The following WRN variants were observed in gnomAD, a reference collection of about 807,000 sequenced individuals.
WRN encodes bifunctional 3'-5' exonuclease/ATP-dependent helicase WRN.
Under a neutral mutation model 180.7 loss-of-function variants are expected in WRN, and 149 were observed. That is an observed-to-expected ratio of 0.82 (90% CI 0.72 to 0.94). The LOEUF (loss-of-function observed/expected upper bound fraction) is 0.94. WRN is among the 40% of genes least tolerant of loss of function. The probability of loss-of-function intolerance (pLI) is 0.00; values close to 1 mark genes in which losing one functional copy is unlikely to be tolerated. For synonymous variants in WRN, 548 were observed against 568.9 expected, an observed-to-expected ratio of 0.96 and a Z score of 0.52; for missense variants, 1,661 against 1,700.1, an observed-to-expected ratio of 0.98 and a Z score of 0.40.
chr8:31,150,566 G>A (rs1585527804), intron 31 of WRN, 111 bp downstream of exon 31: 1 of 856,100 alleles, frequency 1.2e-6, no homozygotes, highest in East Asian at 2.6e-5. Context: ...TTTCCATACT[G>A]GACACTTAGA....
At chr8:31,070,503 G>A (rs1439847159) in intron 7 of WRN, among the ~76,000 whole-genome samples, 1 of 152,004 alleles carries the variant, frequency 6.6e-6, no homozygotes, top group African/African-American at 2.4e-5. Flanking sequence ...ATATTGTTGA[G>A]CATTTTACGA....
In WRN at chr8:31,076,248, A is replaced by ATCTTCC. The variant is rs1431238343; in HGVS notation, c.803_808dup (p.Leu268_Pro269dup). On this transcript the variant is annotated inframe_insertion, in exon 8 of 35. Coordinates refer to ENST00000298139, the MANE Select transcript of WRN (RefSeq NM_000553.6). ...GAGGAAGTGATGGATCTGGCTAAGCATCTTCCTCATGCTTTCAGTAAATTG... is the reference window on the plus strand; with the variant it reads ...GAGGAAGTGATGGATCTGGCTAAGCATCTTCCTCTTCCTCATGCTTTCAGTAAATTG... 6 of 1,613,764 alleles carry ATCTTCC rather than the reference A, an allele frequency of 3.7e-6. No individual in the cohort carries two copies. Among genetic ancestry groups the ATCTTCC allele is most frequent in the Non-Finnish European group, 5.1e-6 (6 of 1,179,942 alleles).
At chr8:31,162,575 AT>A (rs1373594560) in intron 33 of WRN, among the ~76,000 whole-genome samples, 1 of 152,108 alleles carries the variant, frequency 6.6e-6, no homozygotes, top group Non-Finnish European at 1.5e-5. Flanking sequence ...ATTTATTATC[AT>A]TTTCAAGTAT....
At chr8:31,114,053 A>G (rs1801422447) in intron 19 of WRN, among the ~76,000 whole-genome samples, 1 of 152,100 alleles carries the variant, frequency 6.6e-6, no homozygotes, top group Admixed American at 6.5e-5. Flanking sequence ...CTCCAAGAAG[A>G]CTTAGGATAG....
chr8:31,097,145 TC>T (rs1365129726), intron 17 of WRN, among the ~76,000 whole-genome samples: 3 of 152,330 alleles, frequency 2.0e-5, no homozygotes, highest in African/African-American at 7.2e-5. Flanking sequence ...AATTTATGTT[TC>T]CCCAGTGCAG....
Position 31,130,020 on chromosome 8 carries a change from C to CAA in WRN, c.2826-2342_2826-2341dup, listed in dbSNP as rs1190386295. ...CTCTTGTCTCAAAAAAAAAACAAAACAAAACAAAAAAAAAAACTAGTAAGA... is the reference window on the plus strand; with the variant it reads ...CTCTTGTCTCAAAAAAAAAACAAAACAAAAAACAAAAAAAAAAACTAGTAAGA... On this transcript the variant is annotated intron_variant, in intron 23 of 34. Transcript: ENST00000298139. 5.1e-4 allele frequency among the ~76,000 whole-genome samples: 67 copies of CAA among 131,810 alleles called. 1 individual carries two copies. Among genetic ancestry groups the CAA allele is most frequent in the East Asian group, 1.7e-3 (8 of 4,640 alleles). 86.5% of individuals were successfully genotyped at this position (131,810 alleles called of 152,430 possible).
chr8:31,118,744 CA>C (rs1801611434), intron 20 of WRN, among the ~76,000 whole-genome samples: 1 of 151,944 alleles, frequency 6.6e-6, no homozygotes, highest in Admixed American at 6.6e-5. Flanking sequence ...TAACCAGATC[CA>C]AACACATTTG....
intron 23 of WRN, chr8:31,131,853 A>T (rs1411597759): frequency 6.3e-6 from 1 of 158,550 alleles, no homozygotes; most frequent in Non-Finnish European, 1.4e-5. Flanking sequence ...GCTGCTTCAC[A>T]AAAGAGGTAC....
In WRN at chr8:31,173,316, GAATATTAAAT is replaced by G; in HGVS notation, c.*215_*224del. On this transcript the variant is annotated 3_prime_UTR_variant, in exon 35 of 35. Transcript: ENST00000298139. Reference sequence around the variant, plus strand: ...GCCTACGTGAGTACATCACCTAACAGAATATTAAATTAGACTTCCTGTAAGATTGCTTTAA... The same window carrying G: ...GCCTACGTGAGTACATCACCTAACAGTAGACTTCCTGTAAGATTGCTTTAA... 1.8e-6 allele frequency: 1 copy of G among 544,590 alleles called. No homozygotes were observed. 33.7% of individuals were successfully genotyped at this position (544,590 alleles called of 1,614,324 possible). A position where few individuals can be genotyped will look rare whatever the true frequency, so the allele number is the denominator to read the frequency against.
At chr8:31,051,274 G>A (rs1812069008) in intron 1 of WRN, among the ~76,000 whole-genome samples, 1 of 152,052 alleles carries the variant, frequency 6.6e-6, no homozygotes, top group Admixed American at 6.6e-5. Flanking sequence ...TGAGACTGGT[G>A]TTAAATTTGT....
At chr8:31,079,006 A>G (rs1813201467) in intron 8 of WRN, among the ~76,000 whole-genome samples, 1 of 152,218 alleles carries the variant, frequency 6.6e-6, no homozygotes, top group Admixed American at 6.5e-5. Context: ...GTTAAACTGT[A>G]TCACATATCT....
rs1272727570 is a variant in WRN, at chr8:31,174,074, G to A, written c.*972G>A. On this transcript the variant is annotated 3_prime_UTR_variant, in exon 35 of 35. Coordinates refer to ENST00000298139, the MANE Select transcript of WRN (RefSeq NM_000553.6). The stretch of plus-strand genomic sequence containing the variant: ...AAAATCATTCATAGTTTTACTAGTA[G>A]CTAATCACAGTCAACCTCTTTTGTG... Among the ~76,000 whole-genome samples the A allele has an allele frequency of 6.6e-6, 1 of 152,186 alleles. No individual in the cohort carries two copies. Among genetic ancestry groups the A allele is most frequent in the Non-Finnish European group, 1.5e-5 (1 of 68,040 alleles).
At chr8:31,146,728 G>A (rs897627281) in intron 28 of WRN, among the ~76,000 whole-genome samples, 1 of 152,154 alleles carries the variant, frequency 6.6e-6, no homozygotes, top group Non-Finnish European at 1.5e-5. Context: ...AGACGTTAAC[G>A]TGTCATCTTC....
chr8:31,061,284 T>G (rs2130016336), intron 3 of WRN, among the ~76,000 whole-genome samples: 1 of 152,266 alleles, frequency 6.6e-6, no homozygotes, highest in African/African-American at 2.4e-5. Flanking sequence ...GTGAATTTCT[T>G]TTTTAGATAC....
rs1160674090 is a variant in WRN, at chr8:31,175,067, A to AT, written c.*1971dup. Among the ~76,000 whole-genome samples the AT allele has an allele frequency of 2.0e-5, 3 of 151,912 alleles. No homozygotes were observed. Among genetic ancestry groups the AT allele is most frequent in the South Asian group, 2.1e-4 (1 of 4,808 alleles). ...TGTGAGTTTTTGATATTATATAAAG[A>AT]TTTTTTCTGTGTTTCGAAGATCCGT... On this transcript the variant is annotated 3_prime_UTR_variant, in exon 35 of 35. Coordinates refer to ENST00000298139, the MANE Select transcript of WRN (RefSeq NM_000553.6).
chr8:31,167,323 A>C (rs1257001039), intron 34 of WRN, 93 bp downstream of exon 34: 7 of 1,032,778 alleles, frequency 6.8e-6, no homozygotes, highest in Non-Finnish European at 1.0e-5. Flanking sequence ...AACTGTTATG[A>C]ATTCTGATAT....
At chr8:31,122,860 GTTTTTTTTTT>G (rs71206298) in intron 21 of WRN, among the ~76,000 whole-genome samples, 1,143 of 69,508 alleles carry the variant, frequency 0.016, 16 homozygotes, top group Middle Eastern at 0.12. Context: ...TTCTTTTCTT[GTTTTTTTTTT>G]TTTTTTTTTT....
intron 18 of WRN, among the ~76,000 whole-genome samples, chr8:31,102,160 G>C (rs1800900256): frequency 1.3e-5 from 2 of 152,294 alleles, no homozygotes; most frequent in African/African-American, 4.8e-5. Flanking sequence ...ACTGCAGTCA[G>C]GATGCCAAAT....
intron 1 of WRN, among the ~76,000 whole-genome samples, chr8:31,035,877 A>G (rs896867270): frequency 7.2e-5 from 11 of 152,226 alleles, no homozygotes; most frequent in African/African-American, 2.2e-4. Flanking sequence ...GAGAATCTCC[A>G]TAACCATTAG....
Sources: gnomAD v4.1 joint callset for allele counts (sites outside exome capture counted in the v4.1 genomes callset) on GRCh38, gnomAD v4.1.1 for gene constraint, MANE v1.5 for transcripts, NCBI Gene and HGNC (gene_info 2026-07-23, HGNC 2026-07-21) for gene names.